Variants in PCDHA3 observed in about 807,000 individuals in gnomAD.
PCDHA3 encodes protocadherin alpha-3.
PCDHA3 carries 41 observed loss-of-function variants against 62.2 expected under a neutral mutation model. That is an observed-to-expected ratio of 0.66 (90% CI 0.51 to 0.86). PCDHA3 has a LOEUF of 0.86. Among genes scored for constraint, PCDHA3 ranks in the 40% least tolerant of loss-of-function variants. The probability of loss-of-function intolerance (pLI) is 0.00; values close to 1 mark genes in which losing one functional copy is unlikely to be tolerated. For synonymous variants in PCDHA3, 640 were observed against 555.4 expected (o/e 1.15, Z -2.14); for missense variants, 1,304 against 1,241.2 (o/e 1.05, Z -0.76).
At chr5:140,876,660 G>C in intron 1 of PCDHA3, 1 of 1,614,216 alleles carries the variant, frequency 6.2e-7, no homozygotes, top group Non-Finnish European at 8.5e-7. Context: ...TTCCCTTCAA[G>C]CTGGTGTCCA....
chr5:140,898,423 C>T (rs1257208141), intron 1 of PCDHA3, among the ~76,000 whole-genome samples: 1 of 152,106 alleles, frequency 6.6e-6, no homozygotes, highest in African/African-American at 2.4e-5. Flanking sequence ...GCCAGTTTTC[C>T]CAGCACCATT....
At chr5:140,869,980 A>G (rs782258774) in intron 1 of PCDHA3, 91 of 1,613,262 alleles carry the variant, frequency 5.6e-5, no homozygotes, top group Non-Finnish European at 7.5e-5. Context: ...ACACTTATTT[A>G]CACTAGATCA....
chr5:140,853,226 T>G (rs1465630209), intron 1 of PCDHA3: 2 of 982,912 alleles, frequency 2.0e-6, no homozygotes, highest in Non-Finnish European at 2.5e-6. Flanking sequence ...GGATTGGTAA[T>G]TTAGTCCTTC....
At chr5:140,936,163 G>A (rs2090818025) in intron 1 of PCDHA3, among the ~76,000 whole-genome samples, 1 of 152,090 alleles carries the variant, frequency 6.6e-6, no homozygotes, top group African/African-American at 2.4e-5. Flanking sequence ...AAAGTGCTGG[G>A]ATTAGAGGCC....
chr5:140,940,485 ACAAGT>A (rs1554213400), intron 1 of PCDHA3, among the ~76,000 whole-genome samples: 1 of 151,718 alleles, frequency 6.6e-6, no homozygotes, highest in African/African-American at 2.4e-5. Flanking sequence ...TTTTTTCAAG[ACAAGT>A]CTTGCTCCGT....
At chr5:140,882,643 C>T in intron 1 of PCDHA3, 1 of 1,614,190 alleles carries the variant, frequency 6.2e-7, no homozygotes, top group Non-Finnish European at 8.5e-7. Context: ...AGGTGAGGGA[C>T]ATTAACGACA....
chr5:140,847,504 T>C (rs1781050995), intron 1 of PCDHA3: 1 of 149,690 alleles, frequency 6.7e-6, no homozygotes. Flanking sequence ...ACAACAAAAC[T>C]TTGTAGAACT....
Position 140,883,733 on chromosome 5 carries a change from C to T in PCDHA3, c.2394+80142C>T, listed in dbSNP as rs1554179634. 2.5e-6 allele frequency: 4 copies of T among 1,613,458 alleles called. No individual in the cohort carries two copies. In the East Asian group the frequency reaches 6.7e-5, roughly 27 times the overall value. On this transcript the variant is annotated intron_variant, in intron 1 of 3. Coordinates refer to ENST00000522353, the MANE Select transcript of PCDHA3 (RefSeq NM_018906.3). ...GGACGCGGACGCACAGGAGAACGCG[C>T]TGGTCTCCTACTCGCTGGTGGAGCG...
intron 1 of PCDHA3, chr5:140,841,999 T>A: frequency 6.2e-7 from 1 of 1,613,818 alleles, no homozygotes; most frequent in Non-Finnish European, 8.5e-7. Context: ...CAGGCACTGT[T>A]CAGCTGCTGG....
At chr5:140,895,092 G>A (rs2064837860) in intron 1 of PCDHA3, among the ~76,000 whole-genome samples, 1 of 152,090 alleles carries the variant, frequency 6.6e-6, no homozygotes, top group Admixed American at 6.5e-5. Flanking sequence ...CCTCAGTATA[G>A]GGGTTTTTGC....
chr5:140,989,575 G>A (rs2097349164), intron 3 of PCDHA3, among the ~76,000 whole-genome samples: 3 of 152,210 alleles, frequency 2.0e-5, no homozygotes. Flanking sequence ...GGCAAGCCCT[G>A]TCCTCAGCCT....
intron 3 of PCDHA3, among the ~76,000 whole-genome samples, chr5:140,993,154 A>T (rs2097543247): frequency 6.6e-6 from 1 of 152,220 alleles, no homozygotes; most frequent in Admixed American, 6.5e-5. Flanking sequence ...AATGGATTCT[A>T]AATATTTGCC....
intron 1 of PCDHA3, chr5:140,876,879 G>T (rs782299548): frequency 6.2e-7 from 1 of 1,614,150 alleles, no homozygotes; most frequent in Non-Finnish European, 8.5e-7. Context: ...AGAACAACCC[G>T]CCGGGCTGCC....
At chr5:140,968,324 T>C (rs781875050) in intron 1 of PCDHA3, 15 of 1,613,972 alleles carry the variant, frequency 9.3e-6, no homozygotes. Context: ...GCCAGTCACC[T>C]CCTATGTCTC....
intron 1 of PCDHA3, among the ~76,000 whole-genome samples, chr5:140,956,131 C>A (rs2095258276): frequency 6.6e-6 from 1 of 152,096 alleles, no homozygotes; most frequent in African/African-American, 2.4e-5. Flanking sequence ...TATTTGAATA[C>A]CCTTTATTTC....
rs781912049 is a variant in PCDHA3 at position 140,803,458 on chromosome 5, G to A, written c.2261G>A (p.Arg754Lys). The change falls in exon 1 of 4, where the codon AGG (arginine) becomes AAG (lysine). Residue 754 changes from arginine to lysine, a missense_variant. Transcript: ENST00000522353. Reference sequence around the variant, plus strand: ...GGGAGCTGGTCATACTCGCAGCAGAGGCAGCAGAGGGTGTGCTCTGGAGAG... The same window carrying A: ...GGGAGCTGGTCATACTCGCAGCAGAAGCAGCAGAGGGTGTGCTCTGGAGAG... ...AVGSWSYSQQ[R>K]QQRVCSGEGL... is the part of the protein sequence containing the mutation. 3 of 1,614,230 alleles carry A rather than the reference G, an allele frequency of 1.9e-6. No individual in the cohort carries two copies. Among genetic ancestry groups the A allele is most frequent in the South Asian group, 1.1e-5 (1 of 91,084 alleles).
Position 140,858,435 on chromosome 5 carries a change from A to T in PCDHA3, c.2394+54844A>T, listed in dbSNP as rs2045411060. The T allele has an allele frequency of 2.5e-5, 38 of 1,543,330 alleles. 4 individuals are homozygous for T. Among genetic ancestry groups the T allele is most frequent in the Non-Finnish European group, 3.1e-5 (35 of 1,135,660 alleles). ...TCTATTGGAGGGGACCACTCTAGGA[A>T]GGTGGGTTATTACGTTTTCATTTTC... On this transcript the variant is annotated intron_variant, in intron 1 of 3. Transcript: ENST00000522353.
At chr5:140,965,196 AG>A (rs2095879471) in intron 1 of PCDHA3, among the ~76,000 whole-genome samples, 3 of 152,254 alleles carry the variant, frequency 2.0e-5, no homozygotes, top group Non-Finnish European at 4.4e-5. Flanking sequence ...ATGAGGCAAT[AG>A]ATTTCAAATT....
intron 1 of PCDHA3, chr5:140,928,708 T>C: frequency 1.2e-6 from 2 of 1,614,208 alleles, no homozygotes; most frequent in Non-Finnish European, 1.7e-6. Context: ...GGCGTCTGAC[T>C]CTAGTCTCTT....
Sources: allele counts gnomAD v4.1 joint callset (sites outside exome capture counted in the v4.1 genomes callset), GRCh38; gene constraint gnomAD v4.1.1; transcripts MANE v1.5; gene names NCBI Gene and HGNC (gene_info 2026-07-23, HGNC 2026-07-21).